Variants in HEATR5A observed in about 807,000 individuals in gnomAD.
HEATR5A encodes the protein HEAT repeat-containing protein 5A.
A neutral mutation model predicts 218.8 loss-of-function variants in HEATR5A; 178 were observed. That is an observed-to-expected ratio of 0.81 (90% CI 0.72 to 0.92). HEATR5A has a LOEUF of 0.92. Among genes scored for constraint, HEATR5A ranks in the 40% least tolerant of loss-of-function variants. The pLI, the probability that HEATR5A is intolerant of heterozygous loss-of-function variation, is 0.00. For synonymous variants in HEATR5A, 864 were observed against 871.6 expected, an observed-to-expected ratio of 0.99 and a Z score of 0.15; for missense variants, 2,420 against 2,418.9, an observed-to-expected ratio of 1.00 and a Z score of -0.01.
At chr14:31,419,226 G>A (rs2139336989) in intron 1 of HEATR5A, among the ~76,000 whole-genome samples, 1 of 151,752 alleles carries the variant, frequency 6.6e-6, no homozygotes, top group East Asian at 1.9e-4. Flanking sequence ...CCATACTACA[G>A]TATTCTCCAA....
intron 25 of HEATR5A, chr14:31,320,760 T>C (rs1051570065): frequency 1.5e-5 from 5 of 343,630 alleles, no homozygotes; most frequent in Non-Finnish European, 2.3e-5. Context: ...GCCATTTTTT[T>C]TCCCCCTCTC....
rs367588394 is a variant in HEATR5A, at chr14:31,323,564, C to T, written c.3787+1G>A. 6 of 1,588,374 alleles carry T rather than the reference C, an allele frequency of 3.8e-6. No individual in the cohort carries two copies. The Admixed American group carries it at 5.4e-5, about 14-fold the overall frequency. On this transcript the variant is annotated splice_donor_variant, in intron 24 of 35. Coordinates refer to ENST00000543095, the MANE Select transcript of HEATR5A (RefSeq NM_015473.4). LOFTEE classifies it high-confidence loss of function. Reference sequence around the variant, plus strand: ...GGTGTTTTCATCACTATGTCACTTACTTCTTGAATCTCTTTTTTTCATTTC... The same window carrying T: ...GGTGTTTTCATCACTATGTCACTTATTTCTTGAATCTCTTTTTTTCATTTC...
At chr14:31,386,395 T>C in intron 9 of HEATR5A, 25 bp downstream of exon 9, 1 of 1,597,690 alleles carries the variant, frequency 6.3e-7, no homozygotes, top group Non-Finnish European at 8.6e-7. Flanking sequence ...TACAAGGTAT[T>C]CCAATGAGTC....
chr14:31,400,811 A>G (rs1425878549), intron 2 of HEATR5A, among the ~76,000 whole-genome samples: 1 of 150,818 alleles, frequency 6.6e-6, no homozygotes. Context: ...TTTTGTTTGA[A>G]AGGCAGAGCA....
At chr14:31,379,411 C>T (rs566199638) in intron 11 of HEATR5A, among the ~76,000 whole-genome samples, 92 of 150,916 alleles carry the variant, frequency 6.1e-4, no homozygotes, top group African/African-American at 2.0e-3. Context: ...CCACCATGCC[C>T]GGCTAATTTT....
rs556494897 is a variant in HEATR5A, at chr14:31,370,746, G to A, written c.1961+1064C>T. On this transcript the variant is annotated intron_variant, in intron 13 of 35. Transcript: ENST00000543095. ...ACACAATTAAATATTATACAGCAAC[G>A]AAAATGAATGAACTTAAAACATAGG... Among the ~76,000 whole-genome samples, 18 of 152,156 alleles carry A rather than the reference G, an allele frequency of 1.2e-4. No homozygotes were observed. In the South Asian group the frequency reaches 2.7e-3, roughly 23 times the overall value.
chr14:31,313,757 C>G (rs1899831015), intron 27 of HEATR5A, among the ~76,000 whole-genome samples: 1 of 152,014 alleles, frequency 6.6e-6, no homozygotes, highest in African/African-American at 2.4e-5. Flanking sequence ...TTATGTGAGG[C>G]CATTTAAATC....
At chr14:31,398,455 T>C (rs1595174653) in intron 4 of HEATR5A, among the ~76,000 whole-genome samples, 1 of 152,224 alleles carries the variant, frequency 6.6e-6, no homozygotes, top group Admixed American at 6.5e-5. Flanking sequence ...CTTGGATTTA[T>C]ATGAATACAT....
chr14:31,312,063 G>A (rs903035917), intron 28 of HEATR5A, among the ~76,000 whole-genome samples: 1 of 152,182 alleles, frequency 6.6e-6, no homozygotes, highest in African/African-American at 2.4e-5. Context: ...AGGAACAGAT[G>A]TGAGTTATCA....
In HEATR5A at chr14:31,315,015, A is replaced by G. The variant is rs1052344426; in HGVS notation, c.4218+755T>C. On this transcript the variant is annotated intron_variant, in intron 27 of 35. Transcript: ENST00000543095. The stretch of plus-strand genomic sequence containing the variant: ...CGATGAAACCCCATCTCTACTAAAA[A>G]TACAAAACTTAGCTGGGCGTGGTGA... Among the ~76,000 whole-genome samples, 14 of 152,232 alleles carry G rather than the reference A, an allele frequency of 9.2e-5. No homozygotes were observed. The East Asian group carries it at 2.7e-3, about 29-fold the overall frequency.
At chr14:31,404,190 A>C (rs1448623330) in intron 1 of HEATR5A, among the ~76,000 whole-genome samples, 1 of 152,226 alleles carries the variant, frequency 6.6e-6, no homozygotes, top group Non-Finnish European at 1.5e-5. Flanking sequence ...AGAACATAGA[A>C]GGTACCAGAT....
At chr14:31,364,115 T>G in intron 14 of HEATR5A, 74 bp downstream of exon 14, 1 of 607,778 alleles carries the variant, frequency 1.6e-6, no homozygotes, top group Non-Finnish European at 2.9e-6. Flanking sequence ...AAATATTTAA[T>G]GAGTGACAAT....
At chr14:31,374,407 A>G (rs182147780) in intron 12 of HEATR5A, among the ~76,000 whole-genome samples, 217 of 152,248 alleles carry the variant, frequency 1.4e-3, no homozygotes, top group African/African-American at 4.1e-3. Flanking sequence ...TAAAAGCTAG[A>G]CACAGATTTT....
intron 14 of HEATR5A, among the ~76,000 whole-genome samples, chr14:31,362,823 C>T (rs944263032): frequency 6.6e-6 from 1 of 151,202 alleles, no homozygotes; most frequent in African/African-American, 2.4e-5. Context: ...TCAGAAGATA[C>T]ACTGTAGATT....
intron 8 of HEATR5A, 124 bp from the exon 9 acceptor site, chr14:31,386,699 T>G (rs1409232828): frequency 1.3e-6 from 1 of 773,542 alleles, no homozygotes; most frequent in Non-Finnish European, 2.0e-6. Flanking sequence ...ATGAAATACT[T>G]GAGGCAATAA....
Position 31,306,873 on chromosome 14 carries a change from C to A in HEATR5A, c.4825G>T (p.Gly1609Cys), listed in dbSNP as rs1207347201. Reference protein sequence around the residue: ...RSKIGSDQDLGIELLNVLHRV... With the variant: ...RSKIGSDQDLCIELLNVLHRV... ...TGTAGAACATTCAGCAATTCTATAC[C>A]CAAGTCCTATCATGGAAATCATGTA... The change falls in exon 31 of 36, where the codon GGT becomes TGT. Residue 1609 changes from glycine (G) to cysteine (C), a missense_variant. Coordinates refer to ENST00000543095, the MANE Select transcript of HEATR5A (RefSeq NM_015473.4). 1.2e-6 allele frequency: 2 copies of A among 1,603,146 alleles called. No individual in the cohort carries two copies. The highest frequency in any genetic ancestry group is 1.7e-6 in the Non-Finnish European group (2 of 1,173,182).
At chr14:31,395,472 T>C (rs1222375341) in intron 4 of HEATR5A, 124 bp from the exon 5 acceptor site, 1 of 439,902 alleles carries the variant, frequency 2.3e-6, no homozygotes, top group Non-Finnish European at 4.0e-6. Flanking sequence ...AACCAACCCA[T>C]TATGACATCA....
In HEATR5A at chr14:31,371,844, G is replaced by A. The variant is rs754081388; in HGVS notation, c.1927C>T (p.Pro643Ser). Reference protein sequence around the residue: ...LTEEVTQRLLPPLPCAVDLLT... With the variant: ...LTEEVTQRLLSPLPCAVDLLT... ...AAATCCACAGCACAAGGAAGTGGTG[G>A]AAGAAGACGCTGAGTTACTTCCTCA... The change falls in exon 13 of 36, where the codon CCA (proline) becomes TCA (serine). Residue 643 changes from proline to serine, a missense_variant. Coordinates refer to ENST00000543095, the MANE Select transcript of HEATR5A (RefSeq NM_015473.4). 1.9e-5 allele frequency: 30 copies of A among 1,550,762 alleles called. No homozygotes were observed. In the African/African-American group the frequency reaches 3.0e-4, roughly 16 times the overall value.
chr14:31,320,100 C>CTTTATTTA (rs578252611), intron 25 of HEATR5A: 1 of 220,216 alleles, frequency 4.5e-6, no homozygotes, highest in African/African-American at 2.3e-5. Flanking sequence ...GAAAATTAAC[C>CTTTATTTA]TTTATTTATT....
Sources: gnomAD v4.1 joint callset for allele counts (sites outside exome capture counted in the v4.1 genomes callset) on GRCh38, gnomAD v4.1.1 for gene constraint, MANE v1.5 for transcripts, NCBI Gene and HGNC (gene_info 2026-07-23, HGNC 2026-07-21) for gene names.